BCDIN3D: variants seen among roughly 807,000 people sequenced by gnomAD.
BCDIN3D encodes the protein RNA 5'-monophosphate methyltransferase.
BCDIN3D carries 15 observed loss-of-function variants against 21.2 expected under a neutral mutation model. The ratio of observed to expected loss-of-function variants is 0.71; its 90% CI spans 0.47 to 1.09. The LOEUF (loss-of-function observed/expected upper bound fraction) is 1.09, where lower values mean the gene tolerates loss of function less well. BCDIN3D is among the 50% of genes least tolerant of loss of function. The pLI, the probability that BCDIN3D is intolerant of heterozygous loss-of-function variation, is 0.00. For missense variants in BCDIN3D, 331 were observed against 366.2 expected (o/e 0.90, Z 0.79); for synonymous variants, 127 against 141.9 (o/e 0.90, Z 0.75).
At chr12:49,842,518 C>A (rs1946560419) in intron 1 of BCDIN3D, 1 of 317,542 alleles carries the variant, frequency 3.1e-6, no homozygotes, top group Non-Finnish European at 5.9e-6. Context: ...CCCATGTTCC[C>A]AAACGTGTGT....
Position 49,838,188 on chromosome 12 carries a change from C to G in BCDIN3D, c.*183G>C, listed in dbSNP as rs1390207419. 1.4e-5 allele frequency: 9 copies of G among 632,072 alleles called. No individual in the cohort carries two copies. Among genetic ancestry groups the G allele is most frequent in the African/African-American group, 7.4e-5 (4 of 54,360 alleles). 39.2% of individuals were successfully genotyped at this position (632,072 alleles called of 1,614,324 possible). On this transcript the variant is annotated 3_prime_UTR_variant, in exon 2 of 2. Coordinates refer to ENST00000333924, the MANE Select transcript of BCDIN3D (RefSeq NM_181708.3). The stretch of plus-strand genomic sequence containing the variant: ...CATCACTCCACAGATTCATTCTCCT[C>G]AAGATTTGTTCCAAACAATGGGGAA...
chr12:49,838,528 T>A lies in BCDIN3D; in HGVS notation c.722A>T (p.Asp241Val), dbSNP rs1371712214. The A allele has an allele frequency of 1.2e-6, 2 of 1,613,992 alleles. No homozygotes were observed. Among genetic ancestry groups the A allele is most frequent in the Admixed American group, 3.3e-5 (2 of 59,994 alleles). ...PNQIVQILTQDHGMELICCFG... is the reference protein window; with the variant it reads ...PNQIVQILTQVHGMELICCFG... ...GCAACATATTAATTCCATGCCATGA[T>A]CCTGGGTCAAGATCTGCACAATCTG... Residue 241 changes from aspartate to valine, a missense_variant, in exon 2 of 2, where the codon GAT becomes GTT. Coordinates refer to ENST00000333924, the MANE Select transcript of BCDIN3D (RefSeq NM_181708.3).
chr12:49,836,918 CAATG>C lies in BCDIN3D; in HGVS notation c.*1449_*1452del, dbSNP rs762306118. 6.6e-6 allele frequency: 1 copy of C among 152,170 alleles called. No individual in the cohort carries two copies. The highest frequency in any genetic ancestry group is 1.5e-5 in the Non-Finnish European group (1 of 68,044). 9.4% of individuals were successfully genotyped at this position (152,170 alleles called of 1,614,324 possible). On this transcript the variant is annotated 3_prime_UTR_variant, in exon 2 of 2. Coordinates refer to ENST00000333924, the MANE Select transcript of BCDIN3D (RefSeq NM_181708.3). ...GAGTAAACTGTGGCTGTAAGGCAGA[CAATG>C]GATGGAAGGTAGATGACTTTAATAT...
At position 49,838,237 on chromosome 12, in the gene BCDIN3D, G is replaced by A. The variant is rs1946524127; in HGVS notation, c.*134C>T. 1.2e-6 allele frequency: 1 copy of A among 830,298 alleles called. No individual in the cohort carries two copies. Among genetic ancestry groups the A allele is most frequent in the African/African-American group, 1.7e-5 (1 of 58,270 alleles). The allele number at this position is 830,298 out of a possible 1,614,324, so 51.4% of individuals were successfully genotyped here. A position where few individuals can be genotyped will look rare whatever the true frequency, so the allele number is the denominator to read the frequency against. On this transcript the variant is annotated 3_prime_UTR_variant, in exon 2 of 2. Coordinates refer to ENST00000333924, the MANE Select transcript of BCDIN3D (RefSeq NM_181708.3). ...AACAGATACTGATTCTTTCAATTATGTGCCTTGGACATTTTACCAAAAGCT... is the reference window on the plus strand; with the variant it reads ...AACAGATACTGATTCTTTCAATTATATGCCTTGGACATTTTACCAAAAGCT...
chr12:49,838,471 A>G lies in BCDIN3D; in HGVS notation c.779T>C (p.Leu260Pro). The G allele has an allele frequency of 6.2e-7, 1 of 1,614,162 alleles. No homozygotes were observed. The highest frequency in any genetic ancestry group is 8.5e-7 in the Non-Finnish European group (1 of 1,180,034). Residue 260 changes from leucine to proline, a missense_variant, in exon 2 of 2, where the codon CTG becomes CCG. By Grantham distance (98) the Leu-to-Pro change is moderately conservative (BLOSUM62 -3). Transcript: ENST00000333924. The stretch of plus-strand genomic sequence containing the variant: ...TATGGTTTGTTTTGCCCTGAAGAGC[A>G]GAAGGCTTCTGTCCCAACTGGTGTT... ...FGNTSWDRSL[L>P]LFRAKQTIET...
Position 49,842,790 on chromosome 12 carries a change from C to G in BCDIN3D, c.234+64G>C, listed in dbSNP as rs76992504. 4,232 of 1,397,772 alleles carry G rather than the reference C, an allele frequency of 3.0e-3. 113 individuals carry two copies. The African/African-American group carries it at 0.055, about 18-fold the overall frequency. The allele number at this position is 1,397,772 out of a possible 1,614,324, so 86.6% of individuals were successfully genotyped here. A position where few individuals can be genotyped will look rare whatever the true frequency, so the allele number is the denominator to read the frequency against. On this transcript the variant is annotated intron_variant, in intron 1 of 1. Transcript: ENST00000333924. Reference sequence around the variant, plus strand: ...TGGGTGTTAGCCCAGGCCAGAACCACAGTGGATGTGTAGGCAGCCAACCAC... The same window carrying G: ...TGGGTGTTAGCCCAGGCCAGAACCAGAGTGGATGTGTAGGCAGCCAACCAC...
Position 49,838,960 on chromosome 12 carries a change from C to T in BCDIN3D, c.290G>A (p.Cys97Tyr), listed in dbSNP as rs773726416. The change falls in exon 2 of 2, where the codon TGC (cysteine) becomes TAC (tyrosine). Residue 97 changes from cysteine (C) to tyrosine (Y), a missense_variant. By Grantham distance (194) the Cys-to-Tyr change is radical. Transcript: ENST00000333924. ...HFLSLPDGET[C>Y]SDASREFRLL... ...ACGGAATTCTCTTGAGGCATCTGAG[C>T]AGGTTTCCCCGTCAGGTAGGGAGAG... 6.2e-7 allele frequency: 1 copy of T among 1,614,136 alleles called. No individual in the cohort carries two copies. Among genetic ancestry groups the T allele is most frequent in the Admixed American group, 1.7e-5 (1 of 60,024 alleles).
At chr12:49,839,699 T>C (rs1202470992) in intron 1 of BCDIN3D, 1 of 150,674 alleles carries the variant, frequency 6.6e-6, no homozygotes, top group Non-Finnish European at 1.5e-5. Flanking sequence ...TAACTTTGAA[T>C]TCTTTTTTTT....
At chr12:49,839,077 T>C in intron 1 of BCDIN3D, 62 bp from the exon 2 acceptor site, 1 of 1,511,388 alleles carries the variant, frequency 6.6e-7, no homozygotes, top group Non-Finnish European at 9.0e-7. Flanking sequence ...AAGAGAAATC[T>C]GTATCATTCT....
In BCDIN3D at chr12:49,836,135, G is replaced by A. The variant is rs1291041529; in HGVS notation, c.*2236C>T. The A allele has an allele frequency of 1.3e-5, 2 of 152,178 alleles. No homozygotes were observed. Among genetic ancestry groups the A allele is most frequent in the Admixed American group, 6.5e-5 (1 of 15,274 alleles). 9.4% of individuals were successfully genotyped at this position (152,178 alleles called of 1,614,324 possible). A position where few individuals can be genotyped will look rare whatever the true frequency, so the allele number is the denominator to read the frequency against. On this transcript the variant is annotated 3_prime_UTR_variant, in exon 2 of 2. Coordinates refer to ENST00000333924, the MANE Select transcript of BCDIN3D (RefSeq NM_181708.3). ...GGCTGTTCCTTCTGGAGGCTTCAGGGGAGAATACATTTTCTTGCTTTTTCT... is the reference window on the plus strand; with the variant it reads ...GGCTGTTCCTTCTGGAGGCTTCAGGAGAGAATACATTTTCTTGCTTTTTCT...
intron 1 of BCDIN3D, chr12:49,841,288 G>C (rs1313296880): frequency 1.3e-5 from 2 of 152,166 alleles, no homozygotes; most frequent in Admixed American, 1.3e-4. Context: ...GGAGGATTTA[G>C]GGTTGGGAGT....
chr12:49,842,205 G>C (rs914912821), intron 1 of BCDIN3D, among the ~76,000 whole-genome samples: 1 of 152,022 alleles, frequency 6.6e-6, no homozygotes, highest in Non-Finnish European at 1.5e-5. Context: ...CTCAGCCTCC[G>C]GAGTAGCTGG....
rs1946524847 is a variant in BCDIN3D at position 49,838,344 on chromosome 12, C to A, written c.*27G>T. 2 of 1,576,902 alleles carry A rather than the reference C, an allele frequency of 1.3e-6. No individual in the cohort carries two copies. Among genetic ancestry groups the A allele is most frequent in the Non-Finnish European group, 1.7e-6 (2 of 1,167,676 alleles). ...TCTCAATATAAAACCCTTTCAATAT[C>A]TTTCTTGGTCTTCTTGCCCTCCCAT... On this transcript the variant is annotated 3_prime_UTR_variant, in exon 2 of 2. Coordinates refer to ENST00000333924, the MANE Select transcript of BCDIN3D (RefSeq NM_181708.3).
chr12:49,839,084 T>C, intron 1 of BCDIN3D, 69 bp from the exon 2 acceptor site: 1 of 1,492,470 alleles, frequency 6.7e-7, no homozygotes, highest in East Asian at 2.3e-5. Context: ...ATCTGTATCA[T>C]TCTCCCACTG....
At chr12:49,841,372 T>TC (rs375235190) in intron 1 of BCDIN3D, among the ~76,000 whole-genome samples, 1 of 152,192 alleles carries the variant, frequency 6.6e-6, no homozygotes, top group Non-Finnish European at 1.5e-5. Flanking sequence ...GCATTTTTTT[T>TC]CCCTTTCCTG....
rs747919651 is a variant in BCDIN3D at position 49,842,807 on chromosome 12, GCCAA to G, written c.234+43_234+46del. 1.0e-5 allele frequency: 15 copies of G among 1,502,220 alleles called. No homozygotes were observed. The African/African-American group carries it at 2.1e-4, about 21-fold the overall frequency. The allele number at this position is 1,502,220 out of a possible 1,614,324, so 93.1% of individuals were successfully genotyped here. A position where few individuals can be genotyped will look rare whatever the true frequency, so the allele number is the denominator to read the frequency against. On this transcript the variant is annotated intron_variant, in intron 1 of 1. Coordinates refer to ENST00000333924, the MANE Select transcript of BCDIN3D (RefSeq NM_181708.3). ...CAGAACCACAGTGGATGTGTAGGCA[GCCAA>G]CCACTTGGCTCCGGATGCTCCAATC...
In BCDIN3D at chr12:49,836,079, G is replaced by A. The variant is rs1946503329; in HGVS notation, c.*2292C>T. 1 of 152,210 alleles carries A rather than the reference G, an allele frequency of 6.6e-6. No homozygotes were observed. Among genetic ancestry groups the A allele is most frequent in the Admixed American group, 6.5e-5 (1 of 15,272 alleles). The allele number at this position is 152,210 out of a possible 1,614,324, so 9.4% of individuals were successfully genotyped here. A position where few individuals can be genotyped will look rare whatever the true frequency, so the allele number is the denominator to read the frequency against. ...ACTGATTTATTCTCTTACAGCTCTGGAGATTAAATCTGAAATCAAGGTGTT... is the reference window on the plus strand; with the variant it reads ...ACTGATTTATTCTCTTACAGCTCTGAAGATTAAATCTGAAATCAAGGTGTT... On this transcript the variant is annotated 3_prime_UTR_variant, in exon 2 of 2. Transcript: ENST00000333924.
chr12:49,838,693 A>G lies in BCDIN3D; in HGVS notation c.557T>C (p.Leu186Pro). ...DHGLWEFLAH[L>P]SSLCHYLLVE... ...AAGGAGGTAGTGGCAGAGGGAGGAA[A>G]GATGGGCCAGGAACTCCCATAGGCC... Residue 186 changes from leucine (L) to proline (P), a missense_variant, in exon 2 of 2, where the codon CTT becomes CCT. By Grantham distance (98) the Leu-to-Pro change is moderately conservative (BLOSUM62 -3). Coordinates refer to ENST00000333924, the MANE Select transcript of BCDIN3D (RefSeq NM_181708.3). 13 of 1,613,878 alleles carry G rather than the reference A, an allele frequency of 8.1e-6. No homozygotes were observed. The highest frequency in any genetic ancestry group is 1.0e-5 in the Non-Finnish European group (12 of 1,179,750).
rs1253982786 is a variant in BCDIN3D at position 49,837,326 on chromosome 12, C to T, written c.*1045G>A. 3.2e-5 allele frequency: 4 copies of T among 123,654 alleles called. No homozygotes were observed. Among genetic ancestry groups the T allele is most frequent in the South Asian group, 2.7e-4 (1 of 3,672 alleles). 7.7% of individuals were successfully genotyped at this position (123,654 alleles called of 1,614,324 possible). On this transcript the variant is annotated 3_prime_UTR_variant, in exon 2 of 2. Transcript: ENST00000333924. ...TTTTTGAGACGGAGTCTCGCTCTGT[C>T]GCCCAGGCTGGAGTGCAGTGGCGGG...
Sources: allele counts gnomAD v4.1 joint callset (sites outside exome capture counted in the v4.1 genomes callset), GRCh38; gene constraint gnomAD v4.1.1; transcripts MANE v1.5; gene names NCBI Gene and HGNC (gene_info 2026-07-23, HGNC 2026-07-21).